The following NALCN variants were observed in gnomAD, a reference collection of about 807,000 sequenced individuals.
NALCN encodes sodium leak channel, non-selective.
Under a neutral mutation model 225.3 loss-of-function variants are expected in NALCN, and 111 were observed. That is an observed-to-expected ratio of 0.49 (90% CI 0.42 to 0.58). NALCN has a LOEUF of 0.58. Among genes scored for constraint, NALCN ranks in the 20% least tolerant of loss-of-function variants. NALCN has a pLI of 0.00. For synonymous variants in NALCN, 764 were observed against 769.0 expected, an observed-to-expected ratio of 0.99 and a Z score of 0.11; for missense variants, 1,378 against 2,202.4, an observed-to-expected ratio of 0.63 and a Z score of 7.49.
chr13:101,311,040 C>G (rs1180953180), intron 7 of NALCN, among the ~76,000 whole-genome samples: 3 of 151,598 alleles, frequency 2.0e-5, no homozygotes, highest in Non-Finnish European at 4.4e-5. Flanking sequence ...TTTCATTGAG[C>G]AGTGGTTTGT....
chr13:101,256,584 C>A (rs1211309899), intron 11 of NALCN, among the ~76,000 whole-genome samples: 1 of 152,114 alleles, frequency 6.6e-6, no homozygotes, highest in African/African-American at 2.4e-5. Context: ...CCAGGCACCT[C>A]TTCCCTCTCC....
Position 101,415,809 on chromosome 13 carries a change from C to T in NALCN, c.-40+504G>A, listed in dbSNP as rs192866549. On this transcript the variant is annotated intron_variant, in intron 1 of 43. Transcript: ENST00000251127. ...ACCTGCTGGAGCCAGGCTGCCCACCCCCACCTCCCCACCCGCGCGTTGGCC... is the reference window on the plus strand; with the variant it reads ...ACCTGCTGGAGCCAGGCTGCCCACCTCCACCTCCCCACCCGCGCGTTGGCC... 9.6e-3 allele frequency among the ~76,000 whole-genome samples: 1,460 copies of T among 152,148 alleles called. 24 individuals carry two copies. The highest frequency in any genetic ancestry group is 0.033 in the African/African-American group (1,367 of 41,472).
At chr13:101,117,299 C>T (rs941360053) in intron 18 of NALCN, among the ~76,000 whole-genome samples, 9 of 152,190 alleles carry the variant, frequency 5.9e-5, no homozygotes, top group South Asian at 2.1e-4. Context: ...CCATGCCTTT[C>T]GTGCATCTAT....
At chr13:101,211,221 A>T (rs1257093019) in intron 13 of NALCN, among the ~76,000 whole-genome samples, 1 of 152,178 alleles carries the variant, frequency 6.6e-6, no homozygotes, top group Non-Finnish European at 1.5e-5. Flanking sequence ...TCTGATTATT[A>T]AAATAATATT....
At chr13:101,206,064 G>C (rs938758471) in intron 13 of NALCN, among the ~76,000 whole-genome samples, 2 of 151,910 alleles carry the variant, frequency 1.3e-5, no homozygotes, top group Non-Finnish European at 2.9e-5. Flanking sequence ...TTCAGACATG[G>C]AGTTTGCCTG....
chr13:101,320,467 G>C (rs1049501388), intron 7 of NALCN, among the ~76,000 whole-genome samples: 20 of 152,146 alleles, frequency 1.3e-4, no homozygotes, highest in Admixed American at 6.5e-5. Flanking sequence ...GTACCTTTCA[G>C]ACACTTGAGA....
chr13:101,281,378 G>A (rs995372435), intron 10 of NALCN, among the ~76,000 whole-genome samples: 2 of 152,132 alleles, frequency 1.3e-5, no homozygotes, highest in Admixed American at 6.5e-5. Context: ...CTATCTTAGT[G>A]TCTAGCACAT....
chr13:101,123,991 A>C (rs1386677490), intron 18 of NALCN, among the ~76,000 whole-genome samples: 1 of 152,230 alleles, frequency 6.6e-6, no homozygotes, highest in East Asian at 1.9e-4. Flanking sequence ...ATGTCTATGT[A>C]ATATATGTAC....
chr13:101,093,438 G>A (rs762280511), intron 28 of NALCN, among the ~76,000 whole-genome samples: 2 of 152,156 alleles, frequency 1.3e-5, no homozygotes, highest in Non-Finnish European at 2.9e-5. Flanking sequence ...GGTTACAGAT[G>A]ACATTTATTA....
At chr13:101,123,090 TC>T (rs1281975221) in intron 18 of NALCN, among the ~76,000 whole-genome samples, 2 of 152,100 alleles carry the variant, frequency 1.3e-5, no homozygotes, top group African/African-American at 4.8e-5. Context: ...AAGTGATAGA[TC>T]AGTTTTAAGG....
chr13:101,161,803 T>G (rs963999741), intron 15 of NALCN, among the ~76,000 whole-genome samples: 1 of 152,050 alleles, frequency 6.6e-6, no homozygotes, highest in Non-Finnish European at 1.5e-5. Context: ...ACCTTGGAGG[T>G]AGAGGTTGCA....
intron 7 of NALCN, among the ~76,000 whole-genome samples, chr13:101,304,198 TTTTTAA>T (rs1334633636): frequency 9.8e-5 from 15 of 152,316 alleles, no homozygotes; most frequent in African/African-American, 2.6e-4. Flanking sequence ...TTTAATTTTA[TTTTTAA>T]TTTTAAGTAC....
intron 1 of NALCN, among the ~76,000 whole-genome samples, chr13:101,406,439 A>T (rs549727282): frequency 6.6e-6 from 1 of 152,246 alleles, no homozygotes; most frequent in South Asian, 2.1e-4. Context: ...TGCCTGACAG[A>T]ACTATTGAAT....
At chr13:101,285,546 T>G (rs572563029) in intron 9 of NALCN, among the ~76,000 whole-genome samples, 1 of 152,144 alleles carries the variant, frequency 6.6e-6, no homozygotes, top group Admixed American at 6.5e-5. Context: ...GCTCAGGCAA[T>G]CCCCCAGCTT....
rs747694503 is a variant in NALCN, at chr13:101,057,950, C to T, written c.5012G>A (p.Arg1671His). ...GKPQRKFGQWRLPSAPKPISH... is the reference protein window; with the variant it reads ...GKPQRKFGQWHLPSAPKPISH... ...CTGGATGGACCTACCTGAGGGCAGA[C>T]GCCACTGCCCAAATTTCCTCTGGGG... Residue 1671 changes from arginine to histidine, a missense_variant, in exon 43 of 44, where the codon CGT becomes CAT. Around this residue, in one of 19 missense-constraint regions of NALCN, gnomAD observed 145 missense variants for 169.6 expected, o/e 0.85. Coordinates refer to ENST00000251127, the MANE Select transcript of NALCN (RefSeq NM_052867.4). 6.8e-6 allele frequency: 11 copies of T among 1,612,478 alleles called. No homozygotes were observed. The highest frequency in any genetic ancestry group is 5.5e-5 in the South Asian group (5 of 91,056).
intron 7 of NALCN, among the ~76,000 whole-genome samples, chr13:101,297,596 G>A (rs1047943892): frequency 6.6e-6 from 1 of 152,158 alleles, no homozygotes; most frequent in Admixed American, 6.5e-5. Context: ...CAGTCCCTTT[G>A]GGAACCTCTC....
chr13:101,240,004 T>C (rs1228750784), intron 11 of NALCN, among the ~76,000 whole-genome samples: 2 of 152,052 alleles, frequency 1.3e-5, no homozygotes, highest in Non-Finnish European at 2.9e-5. Context: ...GACACTATTA[T>C]ATGGTGTTAT....
intron 1 of NALCN, among the ~76,000 whole-genome samples, chr13:101,403,599 T>C (rs767302759): frequency 6.6e-6 from 1 of 152,264 alleles, no homozygotes. Flanking sequence ...AATGAAAGCA[T>C]CTATTTCATT....
intron 39 of NALCN, among the ~76,000 whole-genome samples, chr13:101,067,306 G>T (rs186523336): frequency 6.3e-5 from 4 of 63,244 alleles, no homozygotes; most frequent in African/African-American, 2.7e-4. Flanking sequence ...GAAGAGGAGG[G>T]GGAAGAGGAG....
Sources: allele counts gnomAD v4.1 joint callset (sites outside exome capture counted in the v4.1 genomes callset), GRCh38; gene constraint gnomAD v4.1.1; regional missense constraint gnomAD v4.1.1; transcripts MANE v1.5; gene names NCBI Gene and HGNC (gene_info 2026-07-23, HGNC 2026-07-21).